Variants in ZNF362 observed in about 807,000 individuals in gnomAD.
The protein encoded by ZNF362 is rotund homolog.
A neutral mutation model predicts 42.9 loss-of-function variants in ZNF362; 11 were observed. The observed-to-expected ratio is 0.26, with a 90% CI of 0.16 to 0.42. ZNF362 has a LOEUF of 0.42. ZNF362 is among the 20% of genes least tolerant of loss of function. The pLI is 1.00. For synonymous variants in ZNF362, 255 were observed against 257.3 expected (o/e 0.99, Z 0.09); for missense variants, 362 against 576.2 (o/e 0.63, Z 3.81).
At chr1:33,224,711 A>G in the ZNF362 span, among the ~76,000 whole-genome samples, 1 of 152,246 alleles carries the variant, frequency 6.6e-6, no homozygotes, top group Admixed American at 6.5e-5. Flanking sequence ...GTGAAAGGAA[A>G]GAGAAAATAG....
At chr1:33,210,576 C>T in the ZNF362 span, among the ~76,000 whole-genome samples, 2 of 152,074 alleles carry the variant, frequency 1.3e-5, no homozygotes, top group Admixed American at 1.3e-4. Flanking sequence ...CTTTGTGGGT[C>T]TCTAAGAACT....
At chr1:33,184,850 G>C in the ZNF362 span, among the ~76,000 whole-genome samples, 1 of 152,104 alleles carries the variant, frequency 6.6e-6, no homozygotes, top group South Asian at 2.1e-4. Flanking sequence ...GCATGATCTT[G>C]GCTCACTGCA....
the ZNF362 span, among the ~76,000 whole-genome samples, chr1:33,157,795 TG>T: frequency 6.6e-6 from 1 of 151,984 alleles, no homozygotes; most frequent in East Asian, 1.9e-4. Context: ...CTTGCTCTGT[TG>T]CCCAGGCTGG....
chr1:33,232,940 C>T, the ZNF362 span, among the ~76,000 whole-genome samples: 3 of 152,194 alleles, frequency 2.0e-5, no homozygotes, highest in African/African-American at 7.2e-5. Flanking sequence ...AATGCATCAT[C>T]TCATTTCTTC....
At chr1:33,215,158 C>T in the ZNF362 span, among the ~76,000 whole-genome samples, 1 of 152,204 alleles carries the variant, frequency 6.6e-6, no homozygotes, top group South Asian at 2.1e-4. Flanking sequence ...GAATATTATT[C>T]ATCCATAAAA....
upstream of ZNF362, among the ~76,000 whole-genome samples, chr1:33,252,351 T>C (rs935488734): frequency 1.2e-4 from 11 of 90,702 alleles, no homozygotes; most frequent in Non-Finnish European, 1.9e-4. Flanking sequence ...AAACTCCATC[T>C]CAAAACAACA....
chr1:33,227,752 A>G, the ZNF362 span, among the ~76,000 whole-genome samples: 4 of 152,052 alleles, frequency 2.6e-5, no homozygotes, highest in African/African-American at 7.2e-5. Flanking sequence ...TCCTGGCTCT[A>G]CCATTCCTGT....
Position 33,261,814 on chromosome 1 carries a change from T to C in ZNF362, c.-89+5160T>C, listed in dbSNP as rs544667092. 5.9e-5 allele frequency: 9 copies of C among 152,332 alleles called. No individual in the cohort carries two copies. In the East Asian group the frequency reaches 1.7e-3, roughly 29 times the overall value. 9.4% of individuals were successfully genotyped at this position (152,332 alleles called of 1,614,324 possible). On this transcript the variant is annotated intron_variant, in intron 1 of 8. Transcript: ENST00000539719. ...AAGTGGGAAGGGAGAGGAGCAGGCC[T>C]TATCCAAGGCCACGTGCATCTCTGT...
chr1:33,252,384 C>T (rs775403892), upstream of ZNF362, among the ~76,000 whole-genome samples: 624 of 86,610 alleles, frequency 7.2e-3, 4 homozygotes, highest in Non-Finnish European at 0.014. Context: ...ACAACAACAA[C>T]AACCAGAAAA....
At chr1:33,220,198 G>A in the ZNF362 span, among the ~76,000 whole-genome samples, 3 of 152,268 alleles carry the variant, frequency 2.0e-5, no homozygotes, top group African/African-American at 7.2e-5. Context: ...TGCAGTGGGG[G>A]GTTTGGGGGC....
chr1:33,145,764 T>C, the ZNF362 span: 1 of 438,516 alleles, frequency 2.3e-6, no homozygotes, highest in Non-Finnish European at 4.7e-6. Flanking sequence ...AGGACAACCC[T>C]AGATGTGGAC....
chr1:33,189,645 A>ACG, the ZNF362 span, among the ~76,000 whole-genome samples: 2 of 17,280 alleles, frequency 1.2e-4, no homozygotes, highest in Admixed American at 7.5e-4. Flanking sequence ...ATATATATAT[A>ACG]TATATATATA....
rs1402898606 is a variant in ZNF362 at position 33,300,211 on chromosome 1, G to A, written c.*1165G>A. On this transcript the variant is annotated 3_prime_UTR_variant, in exon 9 of 9. Transcript: ENST00000539719. Reference sequence around the variant, plus strand: ...TATTCTGTATCTGGAGTTCCGTTTTGAATATTAACTGTGTTATTTTTATAC... The same window carrying A: ...TATTCTGTATCTGGAGTTCCGTTTTAAATATTAACTGTGTTATTTTTATAC... 2.6e-5 allele frequency: 4 copies of A among 152,586 alleles called. No homozygotes were observed. The highest frequency in any genetic ancestry group is 6.5e-5 in the Admixed American group (1 of 15,274). The allele number at this position is 152,586 out of a possible 1,614,324, so 9.5% of individuals were successfully genotyped here.
chr1:33,235,246 C>G, the ZNF362 span, among the ~76,000 whole-genome samples: 25 of 152,126 alleles, frequency 1.6e-4, no homozygotes, highest in Admixed American at 1.3e-3. Flanking sequence ...CTGATTTCTC[C>G]TTGCTCAAGG....
chr1:33,279,079 C>T (rs1398715705), intron 4 of ZNF362, among the ~76,000 whole-genome samples: 1 of 152,072 alleles, frequency 6.6e-6, no homozygotes, highest in Non-Finnish European at 1.5e-5. Flanking sequence ...GGCTGGAGTG[C>T]AGTGGTGTGA....
intron 2 of ZNF362, among the ~76,000 whole-genome samples, chr1:33,273,858 GT>G (rs1320546199): frequency 1.3e-5 from 2 of 152,216 alleles, no homozygotes; most frequent in African/African-American, 4.8e-5. Flanking sequence ...GTATGGGATT[GT>G]CTTTAAAGTC....
chr1:33,236,572 TAC>T, the ZNF362 span, among the ~76,000 whole-genome samples: 7 of 98,704 alleles, frequency 7.1e-5, no homozygotes, highest in African/African-American at 1.1e-4. Context: ...TATATATATA[TAC>T]ATACACACAC....
At chr1:33,218,295 G>T in the ZNF362 span, among the ~76,000 whole-genome samples, 1 of 152,222 alleles carries the variant, frequency 6.6e-6, no homozygotes, top group South Asian at 2.1e-4. Flanking sequence ...TTAAAAATTA[G>T]CTGGGCATGG....
At chr1:33,285,715 G>A (rs1039541193) in intron 6 of ZNF362, among the ~76,000 whole-genome samples, 1 of 152,082 alleles carries the variant, frequency 6.6e-6, no homozygotes, top group African/African-American at 2.4e-5. Flanking sequence ...ACTTTCTTAC[G>A]CTACAAACTT....
Sources: allele counts gnomAD v4.1 joint callset (sites outside exome capture counted in the v4.1 genomes callset), GRCh38; gene constraint gnomAD v4.1.1; transcripts MANE v1.5; gene names NCBI Gene and HGNC (gene_info 2026-07-23, HGNC 2026-07-21).